Variants in ITGA9 observed in about 807,000 individuals in gnomAD.
ITGA9 encodes integrin subunit alpha 9, also known as integrin alpha-9.
In ITGA9, 56 loss-of-function variants were observed where a neutral mutation model predicts 127.8. The ratio of observed to expected loss-of-function variants is 0.44; its 90% CI spans 0.35 to 0.55. The LOEUF (loss-of-function observed/expected upper bound fraction) is 0.55. Among genes scored for constraint, ITGA9 ranks in the 20% least tolerant of loss-of-function variants. The probability of loss-of-function intolerance (pLI) is 0.00; values close to 1 mark genes in which losing one functional copy is unlikely to be tolerated. For synonymous variants in ITGA9, 508 were observed against 514.5 expected, an observed-to-expected ratio of 0.99 and a Z score of 0.17; for missense variants, 1,196 against 1,347.1, an observed-to-expected ratio of 0.89 and a Z score of 1.76.
intron 15 of ITGA9, among the ~76,000 whole-genome samples, chr3:37,576,391 T>A (rs1699654133): frequency 1.3e-5 from 2 of 152,212 alleles, no homozygotes; most frequent in African/African-American, 4.8e-5. Flanking sequence ...AGGCTTTTGA[T>A]TAATAATTTA....
At chr3:37,571,479 T>G (rs1217463418) in intron 15 of ITGA9, among the ~76,000 whole-genome samples, 4 of 152,156 alleles carry the variant, frequency 2.6e-5, no homozygotes, top group Admixed American at 2.0e-4. Flanking sequence ...AGAGCCCTCT[T>G]GTGGTCCCAT....
At chr3:37,657,655 AT>A (rs529801285) in intron 17 of ITGA9, among the ~76,000 whole-genome samples, 95 of 139,598 alleles carry the variant, frequency 6.8e-4, no homozygotes, top group Middle Eastern at 3.7e-3. Context: ...GGATTTGTTT[AT>A]TTTTTTTTTG....
At chr3:37,467,747 G>A (rs934541836) in intron 1 of ITGA9, among the ~76,000 whole-genome samples, 2 of 152,194 alleles carry the variant, frequency 1.3e-5, no homozygotes, top group Non-Finnish European at 2.9e-5. Flanking sequence ...ACTCTGCTGT[G>A]TGGCCCTGGG....
chr3:37,653,911 AAT>A, intron 17 of ITGA9, 121 bp downstream of exon 17: 1 of 733,600 alleles, frequency 1.4e-6, no homozygotes, highest in South Asian at 1.5e-5. Context: ...GGGTTACAGT[AAT>A]ATTCTGTGGT....
intron 17 of ITGA9, among the ~76,000 whole-genome samples, chr3:37,670,845 C>A (rs1431368748): frequency 1.3e-5 from 2 of 152,176 alleles, no homozygotes; most frequent in African/African-American, 4.8e-5. Context: ...CTATTTATGG[C>A]CGTATTTGGT....
chr3:37,525,948 C>A, intron 12 of ITGA9, 78 bp from the exon 13 acceptor site: 1 of 1,213,712 alleles, frequency 8.2e-7, no homozygotes, highest in Non-Finnish European at 1.2e-6. Context: ...GGTCTCCATC[C>A]TTGTGAGCGC....
chr3:37,453,335 C>T (rs1698221855), intron 1 of ITGA9, among the ~76,000 whole-genome samples: 1 of 152,150 alleles, frequency 6.6e-6, no homozygotes, highest in South Asian at 2.1e-4. Context: ...TCTATAGTGG[C>T]CAAGGGGTCC....
chr3:37,459,021 C>T (rs141269911), intron 1 of ITGA9, among the ~76,000 whole-genome samples: 59 of 152,244 alleles, frequency 3.9e-4, no homozygotes, highest in East Asian at 2.3e-3. Context: ...CCTAGGAAGC[C>T]GATGTAAGTC....
chr3:37,548,444 T>C (rs1699348739), intron 15 of ITGA9, among the ~76,000 whole-genome samples: 1 of 152,226 alleles, frequency 6.6e-6, no homozygotes, highest in Non-Finnish European at 1.5e-5. Flanking sequence ...GTGAATGTTA[T>C]GTATGTAAAT....
intron 2 of ITGA9, among the ~76,000 whole-genome samples, chr3:37,472,835 C>G (rs1698447653): frequency 6.6e-6 from 1 of 152,156 alleles, no homozygotes; most frequent in Non-Finnish European, 1.5e-5. Context: ...CTGCCTCTTT[C>G]CATGAGAAAG....
chr3:37,735,438 C>G (rs867808892), intron 19 of ITGA9, among the ~76,000 whole-genome samples: 1 of 152,108 alleles, frequency 6.6e-6, no homozygotes, highest in African/African-American at 2.4e-5. Flanking sequence ...GACCAATGTC[C>G]GTTGCTTTCA....
chr3:37,488,097 CATGAGTCTTTTTATTTTTATTTTTTGGTT>C (rs1429274871), intron 4 of ITGA9, among the ~76,000 whole-genome samples: 1 of 152,176 alleles, frequency 6.6e-6, no homozygotes, highest in African/African-American at 2.4e-5. Flanking sequence ...CCAGTTATTT[CATGAGTCTTTTTATTTTTATTTTTTGGTT>C]ATATAGATCA....
intron 16 of ITGA9, among the ~76,000 whole-genome samples, chr3:37,652,645 T>C (rs780377054): frequency 1.3e-5 from 2 of 152,200 alleles, no homozygotes; most frequent in Non-Finnish European, 1.5e-5. Flanking sequence ...CCTGGACTTA[T>C]TCTCTGGGCA....
intron 12 of ITGA9, 59 bp from the exon 13 acceptor site, chr3:37,525,967 G>C: frequency 6.9e-7 from 1 of 1,453,404 alleles, no homozygotes; most frequent in Non-Finnish European, 9.7e-7. Context: ...GCATTCCCAG[G>C]GCGCGGTTGT....
intron 3 of ITGA9, among the ~76,000 whole-genome samples, chr3:37,479,852 T>C (rs1031190281): frequency 9.2e-5 from 14 of 152,276 alleles, no homozygotes; most frequent in African/African-American, 2.9e-4. Flanking sequence ...GGTGCTCTTG[T>C]ACAGAAAATG....
At chr3:37,620,333 C>T (rs550712438) in intron 15 of ITGA9, among the ~76,000 whole-genome samples, 1 of 152,170 alleles carries the variant, frequency 6.6e-6, no homozygotes, top group African/African-American at 2.4e-5. Context: ...GACCTGGTTC[C>T]AGCCTGCTCT....
intron 15 of ITGA9, among the ~76,000 whole-genome samples, chr3:37,581,290 T>C (rs1351523997): frequency 6.6e-6 from 1 of 152,136 alleles, no homozygotes; most frequent in Non-Finnish European, 1.5e-5. Flanking sequence ...TGAGAACTTT[T>C]GGAGGTAAAG....
intron 16 of ITGA9, among the ~76,000 whole-genome samples, chr3:37,632,987 C>A (rs1159831603): frequency 6.6e-6 from 1 of 152,084 alleles, no homozygotes; most frequent in African/African-American, 2.4e-5. Flanking sequence ...TGTACTTCAA[C>A]AAAACAAAAA....
At chr3:37,811,108 G>T (rs1210224556) in intron 27 of ITGA9, among the ~76,000 whole-genome samples, 1 of 152,212 alleles carries the variant, frequency 6.6e-6, no homozygotes, top group African/African-American at 2.4e-5. Flanking sequence ...ATTCTGAAAT[G>T]GATCCTAATC....
Sources: gnomAD v4.1 joint callset for allele counts (sites outside exome capture counted in the v4.1 genomes callset) on GRCh38, gnomAD v4.1.1 for gene constraint, MANE v1.5 for transcripts, NCBI Gene and HGNC (gene_info 2026-07-23, HGNC 2026-07-21) for gene names.